WDR91: variants seen among roughly 807,000 people sequenced by gnomAD.
The protein encoded by WDR91 is WD repeat domain 91.
A neutral mutation model predicts 88.4 loss-of-function variants in WDR91; 52 were observed. The observed-to-expected ratio is 0.59, with a 90% CI of 0.47 to 0.74. WDR91 has a LOEUF of 0.74. Ranked by LOEUF, WDR91 falls within the 30% of genes least tolerant of loss-of-function variation. WDR91 has a pLI of 0.00. For synonymous variants in WDR91, 362 were observed against 389.5 expected (o/e 0.93, Z 0.83); for missense variants, 824 against 954.5 (o/e 0.86, Z 1.80).
intron 6 of WDR91, among the ~76,000 whole-genome samples, chr7:135,200,471 A>G (rs918299806): frequency 2.6e-5 from 4 of 152,180 alleles, no homozygotes; most frequent in Admixed American, 6.5e-5. Context: ...ACCCTTCTGG[A>G]AGCTTCTTCT....
At position 135,184,134 on chromosome 7, in the gene WDR91, G is replaced by A. The variant is rs887383033; in HGVS notation, c.*2017C>T. 1 of 152,158 alleles carries A rather than the reference G, an allele frequency of 6.6e-6. No individual in the cohort carries two copies. The highest frequency in any genetic ancestry group is 1.5e-5 in the Non-Finnish European group (1 of 68,010). The allele number at this position is 152,158 out of a possible 1,614,324, so 9.4% of individuals were successfully genotyped here. A position where few individuals can be genotyped will look rare whatever the true frequency, so the allele number is the denominator to read the frequency against. ...CAGATGGGGAAAGATAATAAATAAAGAAGTCTTGGTTTTCTTCATTTGCAG... is the reference window on the plus strand; with the variant it reads ...CAGATGGGGAAAGATAATAAATAAAAAAGTCTTGGTTTTCTTCATTTGCAG... On this transcript the variant is annotated 3_prime_UTR_variant, in exon 15 of 15. Coordinates refer to ENST00000354475, the MANE Select transcript of WDR91 (RefSeq NM_014149.4).
At chr7:135,203,364 T>C (rs1012220834) in intron 6 of WDR91, among the ~76,000 whole-genome samples, 13 of 152,216 alleles carry the variant, frequency 8.5e-5, no homozygotes, top group African/African-American at 2.7e-4. Flanking sequence ...CTATGACTAT[T>C]TATTTTATCT....
intron 11 of WDR91, among the ~76,000 whole-genome samples, chr7:135,192,836 G>T (rs1219828659): frequency 6.6e-6 from 1 of 152,180 alleles, no homozygotes; most frequent in Non-Finnish European, 1.5e-5. Flanking sequence ...GCTCTGAGGT[G>T]GTGCCCAGGT....
chr7:135,192,459 G>C (rs1831205519), intron 11 of WDR91, among the ~76,000 whole-genome samples: 1 of 152,276 alleles, frequency 6.6e-6, no homozygotes, highest in South Asian at 2.1e-4. Flanking sequence ...GCCAAAGTGA[G>C]GAAAATTATG....
intron 6 of WDR91, chr7:135,198,737 A>C (rs903538906): frequency 1.3e-5 from 2 of 152,288 alleles, no homozygotes; most frequent in African/African-American, 4.8e-5. Context: ...AAGAAAGATA[A>C]ATCGGACAGG....
intron 13 of WDR91, 79 bp from the exon 14 acceptor site, chr7:135,187,248 C>G: frequency 6.6e-7 from 1 of 1,505,214 alleles, no homozygotes; most frequent in Admixed American, 1.8e-5. Context: ...AGGACCCACC[C>G]CACAGCAGAG....
chr7:135,205,838 G>C (rs913598049), intron 5 of WDR91, 90 bp downstream of exon 5: 1 of 1,574,056 alleles, frequency 6.4e-7, no homozygotes, highest in Admixed American at 1.7e-5. Context: ...AGCAGGCACA[G>C]AGGACTGCAG....
chr7:135,189,888 C>T (rs1245597294), intron 11 of WDR91, among the ~76,000 whole-genome samples: 2 of 152,162 alleles, frequency 1.3e-5, no homozygotes, highest in Non-Finnish European at 2.9e-5. Flanking sequence ...TAGTAGCAAA[C>T]AAAACCACCT....
intron 13 of WDR91, 108 bp downstream of exon 13, chr7:135,188,325 G>A: frequency 1.2e-6 from 1 of 821,646 alleles, no homozygotes; most frequent in Non-Finnish European, 2.1e-6. Context: ...TAACAAAGCT[G>A]CAAAAAGAGG....
At chr7:135,192,881 C>T (rs1831220866) in intron 11 of WDR91, among the ~76,000 whole-genome samples, 1 of 152,172 alleles carries the variant, frequency 6.6e-6, no homozygotes. Flanking sequence ...GTCTGGTCAC[C>T]TCGCTTCTTA....
chr7:135,203,847 G>A (rs747175238), intron 6 of WDR91, among the ~76,000 whole-genome samples: 4 of 152,244 alleles, frequency 2.6e-5, no homozygotes, highest in African/African-American at 4.8e-5. Context: ...TGGCACAGGA[G>A]TGCAGGCAAG....
intron 9 of WDR91, 181 bp from the exon 10 acceptor site, chr7:135,193,853 G>A (rs1831266942): frequency 1.7e-6 from 1 of 594,820 alleles, no homozygotes; most frequent in Admixed American, 2.9e-5. Flanking sequence ...ACAAAGACGT[G>A]AGAGCTGACC....
At chr7:135,209,519 T>C (rs1409894916) in intron 2 of WDR91, 57 bp downstream of exon 2, 1 of 1,453,590 alleles carries the variant, frequency 6.9e-7, no homozygotes, top group Non-Finnish European at 9.2e-7. Flanking sequence ...AAAATCTATT[T>C]TGGGATCAAA....
chr7:135,197,873 T>A, intron 7 of WDR91, 120 bp downstream of exon 7: 1 of 1,297,442 alleles, frequency 7.7e-7, no homozygotes, highest in Non-Finnish European at 1.1e-6. Context: ...TTGAAACCAA[T>A]TAAGCAAAAG....
In WDR91 at chr7:135,187,179, C is replaced by G; in HGVS notation, c.1882-10G>C. 3 of 1,613,988 alleles carry G rather than the reference C, an allele frequency of 1.9e-6. No homozygotes were observed. Among genetic ancestry groups the G allele is most frequent in the Non-Finnish European group, 2.5e-6 (3 of 1,180,004 alleles). On this transcript the variant is annotated splice_polypyrimidine_tract_variant and intron_variant, in intron 13 of 14. Coordinates refer to ENST00000354475, the MANE Select transcript of WDR91 (RefSeq NM_014149.4). ...TGTTCCACTGGATGAACTGCAGTCA[C>G]AGGGCACAAGCAGGGTGCTCGCAGC...
chr7:135,196,638 A>G lies in WDR91; in HGVS notation c.1051-301T>C, dbSNP rs1021939494. 4.6e-5 allele frequency among the ~76,000 whole-genome samples: 7 copies of G among 152,146 alleles called. No homozygotes were observed. The highest frequency in any genetic ancestry group is 1.7e-4 in the African/African-American group (7 of 41,412). ...ACCCAGGACACACATCTGCCTTGAC[A>G]ACAGGCCAGGCGGAGGATGCGTGGT... is the stretch of plus-strand genomic sequence containing the variant. On this transcript the variant is annotated intron_variant, in intron 7 of 14. Coordinates refer to ENST00000354475, the MANE Select transcript of WDR91 (RefSeq NM_014149.4). The surrounding 1 kb of genome is among the most constrained non-coding windows in gnomAD (Gnocchi z 4.2).
intron 1 of WDR91, chr7:135,210,693 A>G: frequency 1.5e-6 from 1 of 686,250 alleles, no homozygotes; most frequent in East Asian, 2.7e-5. Flanking sequence ...TGCTTTTGCC[A>G]CTAAGTAGCC....
chr7:135,187,997 G>A (rs569554090), intron 13 of WDR91, among the ~76,000 whole-genome samples: 1 of 152,246 alleles, frequency 6.6e-6, no homozygotes, highest in East Asian at 1.9e-4. Flanking sequence ...TCCACAGAGG[G>A]AATCTACCAG....
At chr7:135,209,482 TAC>T (rs1831933887) in intron 2 of WDR91, 92 bp downstream of exon 2, 2 of 1,292,034 alleles carry the variant, frequency 1.5e-6, no homozygotes, top group Non-Finnish European at 1.0e-6. Context: ...CATAGTCACA[TAC>T]AGATTCCTCC....
Sources: allele counts gnomAD v4.1 joint callset (sites outside exome capture counted in the v4.1 genomes callset), GRCh38; gene constraint gnomAD v4.1.1; non-coding constraint Gnocchi (gnomAD v3.1); transcripts MANE v1.5; gene names NCBI Gene and HGNC (gene_info 2026-07-23, HGNC 2026-07-21).